COG5: variants seen among roughly 807,000 people sequenced by gnomAD.
The protein encoded by COG5 is conserved oligomeric Golgi complex subunit 5.
Under a neutral mutation model 110.4 loss-of-function variants are expected in COG5, and 86 were observed. That is an observed-to-expected ratio of 0.78 (90% CI 0.65 to 0.93). The LOEUF is 0.93. Ranked by LOEUF, COG5 falls within the 40% of genes least tolerant of loss-of-function variation. The pLI is 0.00. For missense variants in COG5, 1,077 were observed against 987.0 expected, an observed-to-expected ratio of 1.09 and a Z score of -1.22; for synonymous variants, 360 against 334.6, an observed-to-expected ratio of 1.08 and a Z score of -0.83.
chr7:107,563,347 G>C (rs1031758806), intron 1 of COG5: 1 of 265,898 alleles, frequency 3.8e-6, no homozygotes, highest in African/African-American at 2.3e-5. Context: ...CAGTCCATTT[G>C]TTAAAGGAGT....
At chr7:107,486,005 A>G in intron 6 of COG5, among the ~76,000 whole-genome samples, 1 of 152,188 alleles carries the variant, frequency 6.6e-6, no homozygotes. Flanking sequence ...GCAATTATAC[A>G]GAAGCAAGAA....
At chr7:107,274,523 G>A (rs889932906) in intron 14 of COG5, among the ~76,000 whole-genome samples, 7 of 152,014 alleles carry the variant, frequency 4.6e-5, no homozygotes, top group Non-Finnish European at 7.4e-5. Flanking sequence ...CATGAGATCA[G>A]GCCCAGGATA....
chr7:107,391,952 A>C (rs971179549), intron 7 of COG5, among the ~76,000 whole-genome samples: 2 of 152,162 alleles, frequency 1.3e-5, no homozygotes, highest in Admixed American at 6.5e-5. Context: ...TTAGCTGGGC[A>C]TGGTGGCGGC....
At chr7:107,462,699 T>C (rs1345273834) in intron 6 of COG5, among the ~76,000 whole-genome samples, 2 of 151,110 alleles carry the variant, frequency 1.3e-5, no homozygotes, top group Admixed American at 6.6e-5. Flanking sequence ...CTGATTGAAG[T>C]CCCTATTCCC....
chr7:107,313,886 A>C (rs1163331604), intron 11 of COG5, among the ~76,000 whole-genome samples: 1 of 152,178 alleles, frequency 6.6e-6, no homozygotes, highest in Non-Finnish European at 1.5e-5. Flanking sequence ...AACTCTTTGG[A>C]AGGACTATTA....
chr7:107,554,193 G>T, intron 3 of COG5, 92 bp downstream of exon 3: 1 of 1,083,652 alleles, frequency 9.2e-7, no homozygotes, highest in Non-Finnish European at 1.4e-6. Context: ...GGCTGGCAAA[G>T]TCTAAAATAC....
intron 7 of COG5, among the ~76,000 whole-genome samples, chr7:107,395,535 G>T: frequency 7.5e-6 from 1 of 133,460 alleles, no homozygotes; most frequent in African/African-American, 2.8e-5. Context: ...TTACCATGAA[G>T]CAGATCTTTT....
At chr7:107,315,052 TA>T (rs1808606939) in intron 11 of COG5, among the ~76,000 whole-genome samples, 1 of 152,156 alleles carries the variant, frequency 6.6e-6, no homozygotes, top group African/African-American at 2.4e-5. Flanking sequence ...AAAAGTACTT[TA>T]AATGAGTATA....
intron 6 of COG5, among the ~76,000 whole-genome samples, chr7:107,511,218 C>A (rs2129144119): frequency 6.6e-6 from 1 of 152,120 alleles, no homozygotes; most frequent in South Asian, 2.1e-4. Flanking sequence ...GGGATATCAC[C>A]ACCGATCCCA....
chr7:107,268,655 ATT>A (rs1803996519), intron 14 of COG5, among the ~76,000 whole-genome samples: 1 of 152,172 alleles, frequency 6.6e-6, no homozygotes. Flanking sequence ...CTTGTGCTTT[ATT>A]AGTCTGAGGC....
intron 14 of COG5, among the ~76,000 whole-genome samples, chr7:107,275,066 T>G (rs2116748599): frequency 6.6e-6 from 1 of 152,224 alleles, no homozygotes; most frequent in Admixed American, 6.5e-5. Context: ...GTGCTAGGAT[T>G]ATAGGTATAG....
intron 11 of COG5, among the ~76,000 whole-genome samples, chr7:107,300,848 A>G (rs1220727921): frequency 6.6e-6 from 1 of 152,176 alleles, no homozygotes; most frequent in East Asian, 1.9e-4. Flanking sequence ...AACCCAGAAT[A>G]GTCAGGGCAA....
intron 3 of COG5, among the ~76,000 whole-genome samples, chr7:107,551,491 G>A (rs1802887312): frequency 1.3e-5 from 2 of 152,180 alleles, no homozygotes; most frequent in Non-Finnish European, 2.9e-5. Context: ...AGATGAAGTA[G>A]AAGCTAGAAT....
intron 14 of COG5, among the ~76,000 whole-genome samples, chr7:107,266,112 C>T (rs531133860): frequency 6.6e-6 from 1 of 152,026 alleles, no homozygotes; most frequent in African/African-American, 2.4e-5. Flanking sequence ...GTTTGTAATA[C>T]ATTAGAAATT....
intron 17 of COG5, among the ~76,000 whole-genome samples, chr7:107,237,691 A>G (rs890418686): frequency 7.9e-5 from 12 of 152,228 alleles, no homozygotes; most frequent in Admixed American, 4.6e-4. Context: ...TTCCAGCAGG[A>G]AGGGATTTCA....
In COG5 at chr7:107,451,558, C is replaced by T. The variant is rs553101645; in HGVS notation, c.539-38926G>A. Among the ~76,000 whole-genome samples the T allele has an allele frequency of 4.3e-4, 65 of 152,134 alleles. 1 individual carries two copies. The highest frequency in any genetic ancestry group is 1.5e-3 in the African/African-American group (61 of 41,522). On this transcript the variant is annotated intron_variant, in intron 6 of 21. Coordinates refer to ENST00000297135, the MANE Select transcript of COG5 (RefSeq NM_006348.5). ...TTTCTGTCAAGTTACACTGAGTGTGCCTGCCTTTCCTGCCTACTCTTCTAC... is the reference window on the plus strand; with the variant it reads ...TTTCTGTCAAGTTACACTGAGTGTGTCTGCCTTTCCTGCCTACTCTTCTAC...
chr7:107,351,651 G>C (rs1812149002), intron 10 of COG5, among the ~76,000 whole-genome samples: 1 of 152,046 alleles, frequency 6.6e-6, no homozygotes, highest in African/African-American at 2.4e-5. Context: ...GTGAGCAAAG[G>C]ATACGAACAG....
intron 11 of COG5, among the ~76,000 whole-genome samples, chr7:107,301,076 G>A (rs1807224563): frequency 6.6e-6 from 1 of 152,096 alleles, no homozygotes; most frequent in African/African-American, 2.4e-5. Context: ...AAATGATACT[G>A]TAACAATTGA....
In COG5 at chr7:107,474,617, G is replaced by C; in HGVS notation, c.538+52620C>G. On this transcript the variant is annotated intron_variant, in intron 6 of 21. Coordinates refer to ENST00000297135, the MANE Select transcript of COG5 (RefSeq NM_006348.5). The surrounding 1 kb of genome is among the most constrained non-coding windows in gnomAD (Gnocchi z 5.7). ...GAGGTAAATTTTTTCAGTCTTCAAA[G>C]TGGAAATACCTGGGAAAACAAGACA... 5 of 1,610,964 alleles carry C rather than the reference G, an allele frequency of 3.1e-6. No individual in the cohort carries two copies. The highest frequency in any genetic ancestry group is 4.2e-6 in the Non-Finnish European group (5 of 1,178,472).
Sources: allele counts gnomAD v4.1 joint callset (sites outside exome capture counted in the v4.1 genomes callset), GRCh38; gene constraint gnomAD v4.1.1; non-coding constraint Gnocchi (gnomAD v3.1); transcripts MANE v1.5; gene names NCBI Gene and HGNC (gene_info 2026-07-23, HGNC 2026-07-21).